The following HCN1 variants were observed in gnomAD, a reference collection of about 807,000 sequenced individuals.
HCN1 encodes the protein hyperpolarization activated cyclic nucleotide gated potassium channel 1.
HCN1 carries 13 observed loss-of-function variants against 78.9 expected under a neutral mutation model. The ratio of observed to expected loss-of-function variants is 0.16; its 90% CI spans 0.11 to 0.26. The LOEUF (loss-of-function observed/expected upper bound fraction) is 0.26, where lower values mean the gene tolerates loss of function less well. HCN1 is among the 10% of genes least tolerant of loss of function. HCN1 has a pLI of 1.00. For synonymous variants in HCN1, 552 were observed against 455.5 expected, an observed-to-expected ratio of 1.21 and a Z score of -2.70; for missense variants, 810 against 1,154.3, an observed-to-expected ratio of 0.70 and a Z score of 4.32.
At chr5:45,556,058 C>A (rs1023413969) in intron 2 of HCN1, among the ~76,000 whole-genome samples, 1 of 151,850 alleles carries the variant, frequency 6.6e-6, no homozygotes, top group African/African-American at 2.4e-5. Flanking sequence ...AAAGTCAAAT[C>A]AAAATGGATT....
At chr5:45,295,218 A>G (rs998683042) in intron 6 of HCN1, among the ~76,000 whole-genome samples, 1 of 151,992 alleles carries the variant, frequency 6.6e-6, no homozygotes, top group Admixed American at 6.6e-5. Flanking sequence ...GGTAATCCAC[A>G]TGCCTGGATT....
intron 2 of HCN1, among the ~76,000 whole-genome samples, chr5:45,603,063 T>C (rs953245209): frequency 4.6e-5 from 7 of 152,134 alleles, no homozygotes; most frequent in African/African-American, 1.7e-4. Flanking sequence ...TTATTTCTTA[T>C]AGTTCGATAT....
intron 1 of HCN1, among the ~76,000 whole-genome samples, chr5:45,694,445 A>G (rs1739967472): frequency 6.6e-6 from 1 of 152,176 alleles, no homozygotes; most frequent in Non-Finnish European, 1.5e-5. Flanking sequence ...TTTCACAGCT[A>G]ATGTCATTCA....
intron 2 of HCN1, among the ~76,000 whole-genome samples, chr5:45,477,608 G>A (rs901059403): frequency 6.6e-5 from 10 of 152,152 alleles, no homozygotes; most frequent in Non-Finnish European, 1.5e-4. Flanking sequence ...GAAGAATTTA[G>A]AAAAGGAAGC....
At chr5:45,539,246 CT>C (rs1743039378) in intron 2 of HCN1, among the ~76,000 whole-genome samples, 1 of 152,050 alleles carries the variant, frequency 6.6e-6, no homozygotes, top group South Asian at 2.1e-4. Flanking sequence ...TAGTTGCTTT[CT>C]TTTCTCCTTC....
intron 2 of HCN1, chr5:45,576,617 T>C (rs920454294): frequency 6.6e-6 from 1 of 152,072 alleles, no homozygotes; most frequent in African/African-American, 2.4e-5. Flanking sequence ...GCTCAGATGA[T>C]CTTGTTAGCA....
At chr5:45,269,717 C>G (rs1248276701) in intron 6 of HCN1, among the ~76,000 whole-genome samples, 1 of 152,116 alleles carries the variant, frequency 6.6e-6, no homozygotes, top group Non-Finnish European at 1.5e-5. Context: ...CCCCACTATC[C>G]TCAGGTACAT....
chr5:45,658,521 T>C (rs1031777233), intron 1 of HCN1, among the ~76,000 whole-genome samples: 1 of 152,140 alleles, frequency 6.6e-6, no homozygotes, highest in African/African-American at 2.4e-5. Flanking sequence ...ATGGGTGATT[T>C]CTGCATTTCC....
chr5:45,374,830 A>T (rs1747568412), intron 4 of HCN1, among the ~76,000 whole-genome samples: 1 of 147,348 alleles, frequency 6.8e-6, no homozygotes, highest in African/African-American at 2.5e-5. Flanking sequence ...AGATAGATAG[A>T]TATCTTTTTC....
At chr5:45,614,527 C>A (rs1050692833) in intron 2 of HCN1, among the ~76,000 whole-genome samples, 3 of 152,032 alleles carry the variant, frequency 2.0e-5, no homozygotes, top group African/African-American at 7.2e-5. Context: ...TTCACGTTGA[C>A]AATGGTTGTG....
chr5:45,262,081 C>A lies in HCN1; in HGVS notation c.2513G>T (p.Arg838Leu). ...QAGGRSTVPQ[R>L]VTLFRQMSSG... ...CGACATCTGTCGGAAGAGGGTGACG[C>A]GCTGCGGGACAGTGCTCCTGCCCCC... Residue 838 changes from arginine (R) to leucine (L), a missense_variant, in exon 8 of 8, where the codon CGC becomes CTC. By Grantham distance (102) the Arg-to-Leu change is moderately radical. Around this residue, in one of 6 missense-constraint regions of HCN1, gnomAD observed 398 missense variants for 381.3 expected, o/e 1.04. Coordinates refer to ENST00000303230, the MANE Select transcript of HCN1 (RefSeq NM_021072.4). The A allele has an allele frequency of 6.2e-7, 1 of 1,613,152 alleles. No individual in the cohort carries two copies. Among genetic ancestry groups the A allele is most frequent in the Non-Finnish European group, 8.5e-7 (1 of 1,179,450 alleles).
chr5:45,304,751 C>G (rs1169032671), intron 5 of HCN1, among the ~76,000 whole-genome samples: 3 of 152,076 alleles, frequency 2.0e-5, no homozygotes, highest in Non-Finnish European at 4.4e-5. Context: ...TCTAAAGACT[C>G]CTGGGATTCC....
At chr5:45,664,962 G>T (rs10440655) in intron 1 of HCN1, among the ~76,000 whole-genome samples, 2 of 151,642 alleles carry the variant, frequency 1.3e-5, no homozygotes, top group Non-Finnish European at 1.5e-5. Context: ...TATACCCAAA[G>T]GACTATAAAT....
At chr5:45,384,134 C>A (rs1345453832) in intron 4 of HCN1, among the ~76,000 whole-genome samples, 1 of 152,102 alleles carries the variant, frequency 6.6e-6, no homozygotes, top group Non-Finnish European at 1.5e-5. Context: ...TTCTAATGAT[C>A]AAAGCTTAAC....
chr5:45,307,860 T>C (rs1745768114), intron 5 of HCN1, among the ~76,000 whole-genome samples: 1 of 152,118 alleles, frequency 6.6e-6, no homozygotes, highest in Non-Finnish European at 1.5e-5. Flanking sequence ...TGTAGCATAC[T>C]AATGTAAGGT....
intron 4 of HCN1, among the ~76,000 whole-genome samples, chr5:45,369,799 G>A (rs1334440815): frequency 6.6e-6 from 1 of 152,022 alleles, no homozygotes; most frequent in Non-Finnish European, 1.5e-5. Flanking sequence ...TGACTTAATT[G>A]ATTATTCCGG....
intron 6 of HCN1, among the ~76,000 whole-genome samples, chr5:45,299,628 A>G (rs1745568569): frequency 6.6e-6 from 1 of 151,948 alleles, no homozygotes; most frequent in Non-Finnish European, 1.5e-5. Context: ...GATGAACTGA[A>G]TGATTACTCC....
chr5:45,323,595 A>G (rs1746171876), intron 5 of HCN1, among the ~76,000 whole-genome samples: 1 of 152,012 alleles, frequency 6.6e-6, no homozygotes, highest in South Asian at 2.1e-4. Context: ...TTTAAGTTTT[A>G]CAGTACATAT....
chr5:45,445,254 G>A (rs926322799), intron 3 of HCN1, among the ~76,000 whole-genome samples: 3 of 152,180 alleles, frequency 2.0e-5, no homozygotes, highest in African/African-American at 7.2e-5. Flanking sequence ...GGCTCGGAGG[G>A]TCCTACGCCC....
Sources: gnomAD v4.1 joint callset for allele counts (sites outside exome capture counted in the v4.1 genomes callset) on GRCh38, gnomAD v4.1.1 for gene constraint, gnomAD v4.1.1 regional missense constraint, MANE v1.5 for transcripts, NCBI Gene and HGNC (gene_info 2026-07-23, HGNC 2026-07-21) for gene names.